FHIT: variants seen among roughly 807,000 people sequenced by gnomAD.
FHIT encodes the protein bis(5'-adenosyl)-triphosphatase.
In FHIT, 19 loss-of-function variants were observed where a neutral mutation model predicts 17.9. That is an observed-to-expected ratio of 1.06 (90% confidence interval 0.74 to 1.56). FHIT has a LOEUF of 1.56. Among genes scored for constraint, FHIT ranks in the 40% most tolerant of loss-of-function variants. The pLI is 0.00. For synonymous variants in FHIT, 81 were observed against 69.7 expected (o/e 1.16, Z -0.81); for missense variants, 248 against 189.2 (o/e 1.31, Z -1.82).
intron 4 of FHIT, among the ~76,000 whole-genome samples, chr3:60,706,561 T>C (rs1417211949): frequency 6.6e-6 from 1 of 152,170 alleles, no homozygotes; most frequent in Non-Finnish European, 1.5e-5. Flanking sequence ...AATAATTACC[T>C]CGACATTTTA....
intron 8 of FHIT, among the ~76,000 whole-genome samples, chr3:59,913,186 A>AGT (rs945093725): frequency 6.6e-6 from 1 of 152,034 alleles, no homozygotes; most frequent in Non-Finnish European, 1.5e-5. Flanking sequence ...TTGGAAATCC[A>AGT]GTGTGTGTGT....
chr3:60,601,452 T>C (rs117057499), intron 4 of FHIT, among the ~76,000 whole-genome samples: 1 of 152,224 alleles, frequency 6.6e-6, no homozygotes, highest in African/African-American at 2.4e-5. Flanking sequence ...TAGAAAAGTA[T>C]GTAAAAAGCA....
chr3:60,173,269 A>G (rs1481485656), intron 5 of FHIT, among the ~76,000 whole-genome samples: 1 of 152,162 alleles, frequency 6.6e-6, no homozygotes, highest in East Asian at 1.9e-4. Context: ...GATTCCATCC[A>G]TCAGGCACAC....
At chr3:60,523,881 T>A (rs528651221) in intron 5 of FHIT, among the ~76,000 whole-genome samples, 1 of 152,306 alleles carries the variant, frequency 6.6e-6, no homozygotes, top group African/African-American at 2.4e-5. Context: ...TAGTTATGTC[T>A]CCAAGCATGT....
At chr3:60,238,473 A>G (rs1704935706) in intron 5 of FHIT, among the ~76,000 whole-genome samples, 2 of 149,160 alleles carry the variant, frequency 1.3e-5, no homozygotes, top group African/African-American at 4.9e-5. Flanking sequence ...AAGTCACAGC[A>G]CCATGGAAAA....
intron 3 of FHIT, among the ~76,000 whole-genome samples, chr3:60,907,165 G>T (rs1553764770): frequency 2.6e-5 from 4 of 152,096 alleles, no homozygotes; most frequent in African/African-American, 9.7e-5. Flanking sequence ...CCTTAAAAAT[G>T]GAGTGACCTG....
At chr3:60,785,436 C>T (rs547961313) in intron 4 of FHIT, among the ~76,000 whole-genome samples, 2 of 152,282 alleles carry the variant, frequency 1.3e-5, no homozygotes, top group East Asian at 1.9e-4. Context: ...TAAACTCCCA[C>T]GAAGAGAAGT....
chr3:60,935,085 A>T (rs1281036494), intron 3 of FHIT, among the ~76,000 whole-genome samples: 4 of 152,320 alleles, frequency 2.6e-5, no homozygotes, highest in South Asian at 4.1e-4. Context: ...ACAGATGGAC[A>T]CCATAAAAGC....
At chr3:60,857,334 GT>G (rs1227183645) in intron 3 of FHIT, among the ~76,000 whole-genome samples, 2 of 152,138 alleles carry the variant, frequency 1.3e-5, no homozygotes, top group African/African-American at 4.8e-5. Flanking sequence ...TCCCTATCAT[GT>G]TCCATGATTT....
intron 1 of FHIT, among the ~76,000 whole-genome samples, chr3:61,249,456 T>G (rs537262099): frequency 2.6e-5 from 4 of 152,364 alleles, no homozygotes; most frequent in African/African-American, 9.6e-5. Flanking sequence ...AGAGGCAGCA[T>G]GGTATAATTA....
chr3:61,121,712 T>C (rs1215690186), intron 2 of FHIT, among the ~76,000 whole-genome samples: 1 of 152,134 alleles, frequency 6.6e-6, no homozygotes, highest in African/African-American at 2.4e-5. Context: ...GCTTGCATCA[T>C]AAAGACAGGA....
chr3:61,099,868 T>G lies in FHIT; in HGVS notation c.-163-57769A>C, dbSNP rs545258005. Among the ~76,000 whole-genome samples the G allele has an allele frequency of 1.1e-3, 170 of 152,166 alleles. 2 individuals are homozygous for G. Among genetic ancestry groups the G allele is most frequent in the African/African-American group, 4.0e-3 (165 of 41,528 alleles). On this transcript the variant is annotated intron_variant, in intron 2 of 9. Transcript: ENST00000492590. ...ATTAATAATTCTTTCAAAAAACAGC[T>G]CTGGATTCCTTGATCTTTTTTTATC...
At chr3:60,612,117 C>T (rs2038803586) in intron 4 of FHIT, among the ~76,000 whole-genome samples, 1 of 152,020 alleles carries the variant, frequency 6.6e-6, no homozygotes, top group South Asian at 2.1e-4. Flanking sequence ...GGGGCTACCT[C>T]CCTGACTGGC....
chr3:60,396,071 T>C (rs1176492604), intron 5 of FHIT, among the ~76,000 whole-genome samples: 1 of 152,114 alleles, frequency 6.6e-6, no homozygotes, highest in Non-Finnish European at 1.5e-5. Flanking sequence ...CTGGGGCTGA[T>C]ACCGCACTTG....
At position 60,453,246 on chromosome 3, in the gene FHIT, G is replaced by A. The variant is rs1037140612; in HGVS notation, c.103+83614C>T. On this transcript the variant is annotated intron_variant, in intron 5 of 9. Coordinates refer to ENST00000492590, the MANE Select transcript of FHIT (RefSeq NM_002012.4). ...CCCTATACAACTTCCACACCTGAAT[G>A]CTTCTAACTTGGCTTTGCCATTTTC... Among the ~76,000 whole-genome samples the A allele has an allele frequency of 2.6e-5, 4 of 151,322 alleles. 1 individual carries two copies. The highest frequency in any genetic ancestry group is 7.3e-5 in the African/African-American group (3 of 41,144).
chr3:60,659,700 T>G (rs548402780), intron 4 of FHIT, among the ~76,000 whole-genome samples: 22 of 152,294 alleles, frequency 1.4e-4, no homozygotes, highest in African/African-American at 5.1e-4. Context: ...TATCTTTTAG[T>G]TTTTTGAGCA....
At chr3:60,404,628 A>G (rs1416147508) in intron 5 of FHIT, among the ~76,000 whole-genome samples, 1 of 152,192 alleles carries the variant, frequency 6.6e-6, no homozygotes, top group Non-Finnish European at 1.5e-5. Context: ...TAATGAGACT[A>G]TAGGCTTCAA....
chr3:60,349,469 T>C (rs1267592728), intron 5 of FHIT, among the ~76,000 whole-genome samples: 1 of 152,188 alleles, frequency 6.6e-6, no homozygotes, highest in East Asian at 1.9e-4. Context: ...TGCTTGCTAT[T>C]TTGCCTAAAA....
intron 4 of FHIT, among the ~76,000 whole-genome samples, chr3:60,713,640 C>T (rs1183715033): frequency 5.9e-5 from 9 of 152,140 alleles, no homozygotes; most frequent in Non-Finnish European, 1.3e-4. Flanking sequence ...TCAGAGAATA[C>T]TATAAACACC....
Sources: gnomAD v4.1 joint callset for allele counts (sites outside exome capture counted in the v4.1 genomes callset) on GRCh38, gnomAD v4.1.1 for gene constraint, MANE v1.5 for transcripts, NCBI Gene and HGNC (gene_info 2026-07-23, HGNC 2026-07-21) for gene names.